Variants in ST7 observed in about 807,000 individuals in gnomAD.
The protein encoded by ST7 is suppression of tumorigenicity 7, also known as suppressor of tumorigenicity 7 protein.
In ST7, 28 loss-of-function variants were observed where a neutral mutation model predicts 78.7. The observed-to-expected ratio is 0.36, with a 90% CI of 0.26 to 0.49. The LOEUF (loss-of-function observed/expected upper bound fraction) is 0.49, where lower values mean the gene tolerates loss of function less well. Ranked by LOEUF, ST7 falls within the 20% of genes least tolerant of loss-of-function variation. The pLI is 0.99. For synonymous variants in ST7, 247 were observed against 249.6 expected (o/e 0.99, Z 0.10); for missense variants, 418 against 696.0 (o/e 0.60, Z 4.49).
chr7:117,089,576 T>A (rs892290637), intron 1 of ST7, among the ~76,000 whole-genome samples: 1 of 148,424 alleles, frequency 6.7e-6, no homozygotes, highest in African/African-American at 2.5e-5. Context: ...GTTTTTTTGT[T>A]TTTTTTTTTT....
intron 9 of ST7, among the ~76,000 whole-genome samples, chr7:117,149,838 A>G (rs1336539579): frequency 2.0e-5 from 3 of 152,150 alleles, no homozygotes; most frequent in East Asian, 1.9e-4. Context: ...GTATGTTTCT[A>G]TCTAGGGATG....
At chr7:116,972,012 G>A (rs1793450325) in intron 1 of ST7, among the ~76,000 whole-genome samples, 1 of 152,178 alleles carries the variant, frequency 6.6e-6, no homozygotes, top group Non-Finnish European at 1.5e-5. Flanking sequence ...GACAGTTTGG[G>A]GAAAAAGACA....
intron 3 of ST7, among the ~76,000 whole-genome samples, chr7:117,120,859 T>TAA (rs1397910261): frequency 6.6e-6 from 1 of 152,144 alleles, no homozygotes; most frequent in Non-Finnish European, 1.5e-5. Flanking sequence ...AACATTTATA[T>TAA]AAAGAATAAG....
intron 2 of ST7, among the ~76,000 whole-genome samples, chr7:117,115,015 A>G (rs925547356): frequency 6.6e-6 from 1 of 152,176 alleles, no homozygotes; most frequent in Non-Finnish European, 1.5e-5. Context: ...CTCACTGGGC[A>G]TTGGTAACTG....
intron 12 of ST7, among the ~76,000 whole-genome samples, chr7:117,195,573 A>G (rs1810232618): frequency 6.6e-6 from 1 of 152,222 alleles, no homozygotes; most frequent in African/African-American, 2.4e-5. Flanking sequence ...ACTTACATTC[A>G]TAGCGGAAGG....
intron 1 of ST7, among the ~76,000 whole-genome samples, chr7:117,017,930 T>G (rs1395666155): frequency 2.0e-5 from 3 of 152,140 alleles, no homozygotes; most frequent in Non-Finnish European, 4.4e-5. Flanking sequence ...AGATGCCTGA[T>G]GTTTTTAGCA....
At chr7:117,044,467 C>T (rs181462197) in intron 1 of ST7, among the ~76,000 whole-genome samples, 3 of 152,276 alleles carry the variant, frequency 2.0e-5, no homozygotes, top group Non-Finnish European at 4.4e-5. Context: ...GTGCCTCACC[C>T]TCCCGAGTAC....
chr7:117,072,679 C>T (rs1222542687), intron 1 of ST7: 5 of 152,108 alleles, frequency 3.3e-5, no homozygotes, highest in Non-Finnish European at 7.4e-5. Context: ...CTGTGAAATC[C>T]CATTGACAAC....
At chr7:117,218,096 C>T (rs957218762) in intron 13 of ST7, among the ~76,000 whole-genome samples, 3 of 152,264 alleles carry the variant, frequency 2.0e-5, no homozygotes, top group Non-Finnish European at 4.4e-5. Context: ...CTGGTAGTTA[C>T]ACAGCTGAGG....
intron 9 of ST7, among the ~76,000 whole-genome samples, chr7:117,165,108 A>G (rs1035448904): frequency 6.6e-6 from 1 of 152,216 alleles, no homozygotes; most frequent in African/African-American, 2.4e-5. Flanking sequence ...GGCGTGTAAT[A>G]GTCTGGTTTG....
intron 1 of ST7, among the ~76,000 whole-genome samples, chr7:116,970,355 T>C (rs1585063712): frequency 1.3e-5 from 2 of 152,340 alleles, no homozygotes; most frequent in Non-Finnish European, 1.5e-5. Flanking sequence ...CAGTTTAGGC[T>C]ACTCTAACAA....
At chr7:117,066,764 CAAAAA>C (rs35246518) in intron 1 of ST7, among the ~76,000 whole-genome samples, 6 of 74,736 alleles carry the variant, frequency 8.0e-5, no homozygotes, top group Admixed American at 1.5e-4. Context: ...GACTCCGTCT[CAAAAA>C]AAAAAAAAAA....
At chr7:117,025,606 A>G (rs959491386) in intron 1 of ST7, among the ~76,000 whole-genome samples, 3 of 152,212 alleles carry the variant, frequency 2.0e-5, no homozygotes. Context: ...ATGACATTAG[A>G]TAAGTAGAAA....
intron 1 of ST7, among the ~76,000 whole-genome samples, chr7:117,012,207 A>G (rs1407507252): frequency 2.0e-5 from 3 of 152,058 alleles, no homozygotes; most frequent in African/African-American, 7.2e-5. Context: ...TATAGAAAGA[A>G]TTTTTATGAA....
chr7:117,144,010 C>T (rs1805546608), intron 9 of ST7, among the ~76,000 whole-genome samples: 1 of 152,048 alleles, frequency 6.6e-6, no homozygotes, highest in South Asian at 2.1e-4. Context: ...TGATATTTAC[C>T]ATTTTAGAAA....
At chr7:117,123,037 A>G (rs1466923022) in intron 3 of ST7, among the ~76,000 whole-genome samples, 3 of 152,334 alleles carry the variant, frequency 2.0e-5, no homozygotes, top group African/African-American at 7.2e-5. Flanking sequence ...TTGCCTTAAT[A>G]ACAGAAGGGT....
chr7:117,020,983 A>G (rs1426560932), intron 1 of ST7, among the ~76,000 whole-genome samples: 2 of 152,208 alleles, frequency 1.3e-5, no homozygotes, highest in Non-Finnish European at 2.9e-5. Context: ...AGGATCTGAG[A>G]TGATAGTGTT....
intron 1 of ST7, among the ~76,000 whole-genome samples, chr7:116,973,842 G>C (rs1327482934): frequency 6.6e-6 from 1 of 152,008 alleles, no homozygotes; most frequent in Non-Finnish European, 1.5e-5. Flanking sequence ...GTATTTCATT[G>C]CATGAGTATA....
At chr7:117,009,773 G>A (rs1795313528) in intron 1 of ST7, among the ~76,000 whole-genome samples, 1 of 151,940 alleles carries the variant, frequency 6.6e-6, no homozygotes, top group South Asian at 2.1e-4. Flanking sequence ...CAGTGATAGG[G>A]AGACCACACA....
Sources: allele counts gnomAD v4.1 joint callset (sites outside exome capture counted in the v4.1 genomes callset), GRCh38; gene constraint gnomAD v4.1.1; transcripts MANE v1.5; gene names NCBI Gene and HGNC (gene_info 2026-07-23, HGNC 2026-07-21).